ATP6V1E2: variants seen among roughly 807,000 people sequenced by gnomAD.
ATP6V1E2 encodes ATPase H+ transporting V1 subunit E2, also known as V-type proton ATPase subunit E 2.
For synonymous variants in ATP6V1E2, 121 were observed against 104.2 expected (o/e 1.16, Z -0.98); for missense variants, 308 against 273.3 (o/e 1.13, Z -0.90).
chr2:46,529,570 C>T (rs1432076384), intron 4 of ATP6V1E2, among the ~76,000 whole-genome samples: 3 of 152,154 alleles, frequency 2.0e-5, no homozygotes, highest in Non-Finnish European at 4.4e-5. Flanking sequence ...GCCTGGGAAA[C>T]ATAGCAAGAC....
intron 4 of ATP6V1E2, among the ~76,000 whole-genome samples, chr2:46,521,600 G>T (rs1158282020): frequency 2.0e-5 from 3 of 152,202 alleles, no homozygotes; most frequent in Non-Finnish European, 2.9e-5. Context: ...GGAAGTGGGT[G>T]AGAAAATGTA....
chr2:46,530,895 T>C lies in ATP6V1E2; in HGVS notation c.-102+4918A>G, dbSNP rs1667150743. On this transcript the variant is annotated intron_variant, in intron 4 of 4. Transcript: ENST00000522587. The surrounding 1 kb of genome is among the most constrained non-coding windows in gnomAD (Gnocchi z 5.2). The stretch of plus-strand genomic sequence containing the variant: ...ACAGCACAGGAAAAACCCAAGCCCA[T>C]GATTCAGTTACTTCCCACCGGGCCC... 1.3e-5 allele frequency among the ~76,000 whole-genome samples: 2 copies of C among 152,288 alleles called. No homozygotes were observed. Among genetic ancestry groups the C allele is most frequent in the Admixed American group, 6.5e-5 (1 of 15,300 alleles).
At chr2:46,531,265 A>T (rs1435349968) in intron 4 of ATP6V1E2, among the ~76,000 whole-genome samples, 1 of 152,254 alleles carries the variant, frequency 6.6e-6, no homozygotes, top group Non-Finnish European at 1.5e-5. Context: ...TATTTCATGT[A>T]AATGGAAACA....
chr2:46,534,406 C>A (rs1667339921), intron 4 of ATP6V1E2: 2 of 152,098 alleles, frequency 1.3e-5, no homozygotes, highest in African/African-American at 4.8e-5. Flanking sequence ...TCTATATCTT[C>A]CAGTTTTTTC....
chr2:46,526,002 A>G (rs1666900999), intron 4 of ATP6V1E2, among the ~76,000 whole-genome samples: 1 of 151,942 alleles, frequency 6.6e-6, no homozygotes, highest in Admixed American at 6.6e-5. Context: ...ATAAGATCTG[A>G]TTTTTTAGAG....
intron 4 of ATP6V1E2, among the ~76,000 whole-genome samples, chr2:46,523,085 T>C (rs1666722689): frequency 6.6e-6 from 1 of 151,770 alleles, no homozygotes; most frequent in African/African-American, 2.4e-5. Flanking sequence ...TTTTTGATGT[T>C]TTTTTTTAAT....
At chr2:46,541,028 G>C (rs1667734347) in intron 2 of ATP6V1E2, among the ~76,000 whole-genome samples, 1 of 152,224 alleles carries the variant, frequency 6.6e-6, no homozygotes, top group Non-Finnish European at 1.5e-5. Context: ...ACCAGGGTCA[G>C]AGCTAGGACC....
Position 46,525,359 on chromosome 2 carries a change from G to C in ATP6V1E2, c.-102+10454C>G, listed in dbSNP as rs796488429. Among the ~76,000 whole-genome samples the C allele has an allele frequency of 1.4e-4, 22 of 151,832 alleles. No individual in the cohort carries two copies. In the South Asian group the frequency reaches 4.4e-3, roughly 30 times the overall value. ...CGCCTGTAGTCCCAGCTACTCGGGAGGCTGAGGCAGGAGAATGGCGTGAAC... is the reference window on the plus strand; with the variant it reads ...CGCCTGTAGTCCCAGCTACTCGGGACGCTGAGGCAGGAGAATGGCGTGAAC... On this transcript the variant is annotated intron_variant, in intron 4 of 4. Transcript: ENST00000522587.
At chr2:46,521,447 G>A (rs185680393) in intron 4 of ATP6V1E2, among the ~76,000 whole-genome samples, 4 of 152,308 alleles carry the variant, frequency 2.6e-5, no homozygotes, top group African/African-American at 4.8e-5. Flanking sequence ...GAGGTCAGAT[G>A]TGTCTGGGTG....
chr2:46,526,443 A>C (rs1213916317), intron 4 of ATP6V1E2, among the ~76,000 whole-genome samples: 1 of 152,186 alleles, frequency 6.6e-6, no homozygotes, highest in Non-Finnish European at 1.5e-5. Context: ...ATGTAGCATT[A>C]AGAATATTCA....
intron 2 of ATP6V1E2, among the ~76,000 whole-genome samples, chr2:46,538,987 A>C (rs1558672532): frequency 6.6e-6 from 1 of 152,184 alleles, no homozygotes; most frequent in Non-Finnish European, 1.5e-5. Flanking sequence ...ACACAAAAAA[A>C]AATTCAGGAA....
rs994633099 is a variant in ATP6V1E2 at position 46,535,141 on chromosome 2, C to G, written c.-102+672G>C. On this transcript the variant is annotated intron_variant, in intron 4 of 4. Transcript: ENST00000522587. The surrounding 1 kb of genome is among the most constrained non-coding windows in gnomAD (Gnocchi z 4.4). ...AGAAAGTTAGAGTGATAGGGTTTGC[C>G]CCATTTGTTCCCTACTTTCAGGAAT... The G allele has an allele frequency of 1.3e-5, 2 of 152,140 alleles. No individual in the cohort carries two copies. Among genetic ancestry groups the G allele is most frequent in the African/African-American group, 4.8e-5 (2 of 41,410 alleles). The allele number at this position is 152,140 out of a possible 1,614,324, so 9.4% of individuals were successfully genotyped here.
intron 2 of ATP6V1E2, chr2:46,537,325 G>A (rs978165690): frequency 6.6e-6 from 1 of 152,160 alleles, no homozygotes. Flanking sequence ...TTTTAGGGAT[G>A]GACAGTAGCC....
In ATP6V1E2 at chr2:46,530,971, G is replaced by C. The variant is rs1667154374; in HGVS notation, c.-102+4842C>G. Reference sequence around the variant, plus strand: ...GAGCTACAATTCAAGATGAGATTTGGGTGAGGACACAGCCAAACCATATTA... The same window carrying C: ...GAGCTACAATTCAAGATGAGATTTGCGTGAGGACACAGCCAAACCATATTA... On this transcript the variant is annotated intron_variant, in intron 4 of 4. Transcript: ENST00000522587. This position sits in a 1 kb window ranked among gnomAD's most constrained non-coding sequence, Gnocchi z 5.2. 6.6e-6 allele frequency among the ~76,000 whole-genome samples: 1 copy of C among 152,142 alleles called. No individual in the cohort carries two copies. Among genetic ancestry groups the C allele is most frequent in the Non-Finnish European group, 1.5e-5 (1 of 68,020 alleles).
chr2:46,537,548 G>C (rs185823900), intron 2 of ATP6V1E2: 2 of 151,150 alleles, frequency 1.3e-5, no homozygotes, highest in Admixed American at 6.6e-5. Flanking sequence ...ATGCTGAGTA[G>C]AAAGTTGACT....
At chr2:46,540,896 A>C (rs897670107) in intron 2 of ATP6V1E2, among the ~76,000 whole-genome samples, 2 of 152,192 alleles carry the variant, frequency 1.3e-5, no homozygotes, top group African/African-American at 2.4e-5. Context: ...TTCATCGGAC[A>C]TCAGTTCCCC....
At chr2:46,523,746 AG>A (rs1181337058) in intron 4 of ATP6V1E2, among the ~76,000 whole-genome samples, 1 of 151,726 alleles carries the variant, frequency 6.6e-6, no homozygotes, top group Admixed American at 6.6e-5. Flanking sequence ...AATTTAAAAT[AG>A]TTTTTTTTTA....
At position 46,512,497 on chromosome 2, in the gene ATP6V1E2, A is replaced by G. The variant is rs1420791598; in HGVS notation, c.215T>C (p.Met72Thr). 2 of 1,614,180 alleles carry G rather than the reference A, an allele frequency of 1.2e-6. No homozygotes were observed. The highest frequency in any genetic ancestry group is 3.3e-5 in the Admixed American group (2 of 60,016). The change falls in exon 5 of 5, where the codon ATG becomes ACG. Residue 72 changes from methionine (M) to threonine (T), a missense_variant. Coordinates refer to ENST00000522587, the MANE Select transcript of ATP6V1E2 (RefSeq NM_001318063.2). ...KQIEQQKKIL[M>T]STMRNQARLK... ...CCTCGCCTGATTCCTCATGGTGGAC[A>G]TCAGGATTTTCTTCTGCTGCTCTAT...
chr2:46,533,543 G>A (rs942227118), intron 4 of ATP6V1E2, among the ~76,000 whole-genome samples: 4 of 152,094 alleles, frequency 2.6e-5, no homozygotes, highest in South Asian at 2.1e-4. Context: ...AAAAGTTCTG[G>A]GATTACAGGT....
Sources: allele counts gnomAD v4.1 joint callset (sites outside exome capture counted in the v4.1 genomes callset), GRCh38; gene constraint gnomAD v4.1.1; non-coding constraint Gnocchi (gnomAD v3.1); transcripts MANE v1.5; gene names NCBI Gene and HGNC (gene_info 2026-07-23, HGNC 2026-07-21).